Variants in PCID2 observed in about 807,000 individuals in gnomAD.
PCID2 encodes PCI domain-containing protein 2.
PCID2 carries 41 observed loss-of-function variants against 61.3 expected under a neutral mutation model. That is an observed-to-expected ratio of 0.67 (90% confidence interval 0.52 to 0.87). The LOEUF (loss-of-function observed/expected upper bound fraction) is 0.87. Ranked by LOEUF, PCID2 falls within the 40% of genes least tolerant of loss-of-function variation. PCID2 has a pLI of 0.00. For synonymous variants in PCID2, 187 were observed against 177.8 expected (o/e 1.05, Z -0.41); for missense variants, 392 against 493.4 (o/e 0.79, Z 1.95).
chr13:113,191,780 C>A (rs1228331497), intron 6 of PCID2, among the ~76,000 whole-genome samples: 1 of 152,116 alleles, frequency 6.6e-6, no homozygotes, highest in East Asian at 1.9e-4. Flanking sequence ...AACACTAAGC[C>A]ATTATGGTCT....
At chr13:113,190,016 CT>C (rs59493975) in intron 7 of PCID2, among the ~76,000 whole-genome samples, 138,976 of 150,912 alleles carry the variant, frequency 0.92, 65,063 homozygotes, top group East Asian at 1. Flanking sequence ...GAGCAAGAGT[CT>C]TGTCTCAAAA....
At chr13:113,170,438 A>T in the PCID2 span, 1 of 1,607,098 alleles carries the variant, frequency 6.2e-7, no homozygotes, top group African/African-American at 1.3e-5. Context: ...TCCGAAGGAA[A>T]AGACTTCTGT....
the PCID2 span, chr13:113,171,473 G>A: frequency 7.9e-6 from 10 of 1,268,098 alleles, no homozygotes; most frequent in Admixed American, 2.0e-5. This position sits in a 1 kb window ranked among gnomAD's most constrained non-coding sequence, Gnocchi z 5.1. Flanking sequence ...GGGGCGGTGA[G>A]CCTGCGGGTC....
At chr13:113,191,041 G>A (rs1223836099) in intron 6 of PCID2, 66 bp from the exon 7 acceptor site, 7 of 1,099,204 alleles carry the variant, frequency 6.4e-6, no homozygotes, top group South Asian at 5.7e-5. Flanking sequence ...CGTCCAGGCT[G>A]GACTGCAGTG....
At chr13:113,171,497 C>A in the PCID2 span, 12 of 1,518,208 alleles carry the variant, frequency 7.9e-6, no homozygotes, top group Middle Eastern at 3.4e-4. This position sits in a 1 kb window ranked among gnomAD's most constrained non-coding sequence, Gnocchi z 5.1. Context: ...CAGGGCCGGT[C>A]TCTCCCTCCT....
At chr13:113,165,462 T>C in the PCID2 span, among the ~76,000 whole-genome samples, 1 of 152,242 alleles carries the variant, frequency 6.6e-6, no homozygotes, top group African/African-American at 2.4e-5. Context: ...TAAATTTCTC[T>C]AGTTTGGCAT....
intron 6 of PCID2, 127 bp from the exon 7 acceptor site, chr13:113,191,102 C>A (rs2038579256): frequency 3.9e-6 from 2 of 517,876 alleles, no homozygotes; most frequent in Admixed American, 3.3e-5. Context: ...CACTGATCTT[C>A]CCATCTCAGC....
chr13:113,206,764 G>C (rs1046902342), intron 1 of PCID2, among the ~76,000 whole-genome samples: 4 of 152,210 alleles, frequency 2.6e-5, no homozygotes, highest in Non-Finnish European at 5.9e-5. Context: ...GGAGGAAGCG[G>C]ACTTTTTGCT....
the PCID2 span, chr13:113,170,493 A>G: frequency 6.2e-7 from 1 of 1,604,302 alleles, no homozygotes; most frequent in South Asian, 1.1e-5. Context: ...CAACAGCAAA[A>G]TGTTCACTGT....
chr13:113,175,096 C>T (rs914739157), downstream of PCID2, among the ~76,000 whole-genome samples: 2 of 152,144 alleles, frequency 1.3e-5, no homozygotes, highest in Admixed American at 1.3e-4. Context: ...CTTCCCCTTC[C>T]GCCATGATTG....
intron 3 of PCID2, among the ~76,000 whole-genome samples, chr13:113,197,858 G>T (rs1226077221): frequency 6.6e-6 from 1 of 152,188 alleles, no homozygotes; most frequent in Non-Finnish European, 1.5e-5. Context: ...TGTTTGCTTT[G>T]CTCAACTCTA....
At chr13:113,168,812 TC>T in the PCID2 span, among the ~76,000 whole-genome samples, 1 of 152,184 alleles carries the variant, frequency 6.6e-6, no homozygotes, top group African/African-American at 2.4e-5. Context: ...CACTGCAGCC[TC>T]AACCTCCTGG....
downstream of PCID2, among the ~76,000 whole-genome samples, chr13:113,176,538 A>AATTGCCCGAGGCGGGGGG: frequency 2.0e-5 from 1 of 50,748 alleles, no homozygotes; most frequent in African/African-American, 7.3e-5. Context: ...GAGGTGGGGG[A>AATTGCCCGAGGCGGGGGG]ATTGCTTTAG....
downstream of PCID2, among the ~76,000 whole-genome samples, chr13:113,173,318 C>T (rs911555230): frequency 6.6e-6 from 1 of 152,194 alleles, no homozygotes; most frequent in East Asian, 1.9e-4. Context: ...TCCTTGGAGA[C>T]TGGAGCTCCT....
At chr13:113,187,608 G>A (rs2038231762) in intron 7 of PCID2, 2 of 152,158 alleles carry the variant, frequency 1.3e-5, no homozygotes. Context: ...TAATGACCTT[G>A]AGCATCTTTT....
At chr13:113,183,107 A>C (rs886296968) in intron 9 of PCID2, among the ~76,000 whole-genome samples, 1 of 152,186 alleles carries the variant, frequency 6.6e-6, no homozygotes, top group Non-Finnish European at 1.5e-5. Context: ...TCTGCGAGCT[A>C]CAAGGCAGAA....
At chr13:113,170,947 G>C in the PCID2 span, among the ~76,000 whole-genome samples, 2 of 150,690 alleles carry the variant, frequency 1.3e-5, no homozygotes, top group Admixed American at 6.6e-5. Flanking sequence ...TTTTGAGACA[G>C]AGTCTCACTC....
At chr13:113,183,790 C>A (rs890377218) in intron 9 of PCID2, 54 of 984,480 alleles carry the variant, frequency 5.5e-5, no homozygotes, top group Non-Finnish European at 5.8e-5. Context: ...AAGTTACCAA[C>A]GTAAACTAAT....
chr13:113,169,320 G>GT, the PCID2 span, among the ~76,000 whole-genome samples: 1 of 152,154 alleles, frequency 6.6e-6, no homozygotes, highest in Admixed American at 6.5e-5. Flanking sequence ...TTAAAAATAC[G>GT]TATTTTTGTC....
Sources: gnomAD v4.1 joint callset for allele counts (sites outside exome capture counted in the v4.1 genomes callset) on GRCh38, gnomAD v4.1.1 for gene constraint, Gnocchi (gnomAD v3.1) non-coding constraint, MANE v1.5 for transcripts, NCBI Gene and HGNC (gene_info 2026-07-23, HGNC 2026-07-21) for gene names.